Variants in CNTN3 observed in about 807,000 individuals in gnomAD.
The protein encoded by CNTN3 is contactin-3.
CNTN3 carries 60 observed loss-of-function variants against 119.1 expected under a neutral mutation model. That is an observed-to-expected ratio of 0.50 (90% CI 0.41 to 0.62). The LOEUF is 0.62. CNTN3 is among the 20% of genes least tolerant of loss of function. CNTN3 has a pLI of 0.00. For missense variants in CNTN3, 1,101 were observed against 1,242.4 expected (o/e 0.89, Z 1.71); for synonymous variants, 450 against 438.7 (o/e 1.03, Z -0.32).
intron 13 of CNTN3, among the ~76,000 whole-genome samples, chr3:74,331,999 T>C (rs529275721): frequency 6.6e-6 from 1 of 152,352 alleles, no homozygotes; most frequent in East Asian, 1.9e-4. Flanking sequence ...GTTCCAATAA[T>C]TGGCTGATTC....
chr3:74,264,619 A>G (rs1701634046), intron 22 of CNTN3, 118 bp from the exon 23 acceptor site: 1 of 570,698 alleles, frequency 1.8e-6, no homozygotes, highest in Non-Finnish European at 3.0e-6. Flanking sequence ...CTAACCCTCA[A>G]TGTCAGAGTA....
intron 2 of CNTN3, among the ~76,000 whole-genome samples, chr3:74,501,828 A>G (rs1703172171): frequency 6.6e-6 from 1 of 151,896 alleles, no homozygotes; most frequent in African/African-American, 2.4e-5. Context: ...TTTAGGAAAG[A>G]GCAACTTCCA....
At chr3:74,584,251 A>G (rs186999105) in intron 1 of CNTN3, among the ~76,000 whole-genome samples, 23 of 152,294 alleles carry the variant, frequency 1.5e-4, no homozygotes, top group South Asian at 1.2e-3. Context: ...TTCATCTTTG[A>G]TACCTTACAT....
chr3:74,271,159 G>A (rs1701768484), intron 20 of CNTN3, among the ~76,000 whole-genome samples: 1 of 152,146 alleles, frequency 6.6e-6, no homozygotes, highest in Non-Finnish European at 1.5e-5. Flanking sequence ...ATGATTAGAT[G>A]AAACTGGGAA....
intron 11 of CNTN3, among the ~76,000 whole-genome samples, chr3:74,357,661 G>A (rs1703968660): frequency 6.6e-6 from 1 of 152,036 alleles, no homozygotes; most frequent in Non-Finnish European, 1.5e-5. Flanking sequence ...TACATATATA[G>A]AATATTGGCT....
At chr3:74,454,414 T>G (rs1470141955) in intron 4 of CNTN3, among the ~76,000 whole-genome samples, 1 of 150,958 alleles carries the variant, frequency 6.6e-6, no homozygotes, top group Non-Finnish European at 1.5e-5. Context: ...TCTCTGCACG[T>G]GAGATGGGTT....
At chr3:74,314,831 A>G (rs1215860664) in intron 13 of CNTN3, among the ~76,000 whole-genome samples, 1 of 152,188 alleles carries the variant, frequency 6.6e-6, no homozygotes, top group East Asian at 1.9e-4. Context: ...ACTTTATCCA[A>G]CAGCAGTGTC....
intron 1 of CNTN3, among the ~76,000 whole-genome samples, chr3:74,537,128 TAAC>T (rs1051743979): frequency 3.7e-4 from 57 of 152,100 alleles, no homozygotes; most frequent in African/African-American, 1.3e-3. Context: ...ATAACATTAA[TAAC>T]AACAAGAAAC....
At chr3:74,565,904 A>G (rs1293101245) in intron 1 of CNTN3, among the ~76,000 whole-genome samples, 1 of 152,094 alleles carries the variant, frequency 6.6e-6, no homozygotes, top group Non-Finnish European at 1.5e-5. Context: ...AGGTATTTGA[A>G]TCATGGGGGC....
intron 4 of CNTN3, among the ~76,000 whole-genome samples, chr3:74,427,145 GGAATATTGTTCTGGATATCT>G (rs1331182463): frequency 6.6e-6 from 1 of 152,218 alleles, no homozygotes; most frequent in Non-Finnish European, 1.5e-5. Context: ...ACGAGTGCAA[GGAATATTGTTCTGGATATCT>G]GATATGGCCG....
At chr3:74,542,005 G>T (rs535599662) in intron 1 of CNTN3, among the ~76,000 whole-genome samples, 5 of 152,244 alleles carry the variant, frequency 3.3e-5, no homozygotes, top group South Asian at 4.1e-4. Flanking sequence ...AGCCAAGGCA[G>T]GAGGATTGCT....
At chr3:74,300,518 G>A (rs1702434818) in intron 16 of CNTN3, among the ~76,000 whole-genome samples, 1 of 152,178 alleles carries the variant, frequency 6.6e-6, no homozygotes, top group South Asian at 2.1e-4. Flanking sequence ...TGTCTAGAAA[G>A]TGCTGAGCAC....
intron 11 of CNTN3, among the ~76,000 whole-genome samples, chr3:74,353,081 G>C (rs774392588): frequency 1.3e-5 from 2 of 152,206 alleles, no homozygotes; most frequent in African/African-American, 2.4e-5. Flanking sequence ...TAGTGTAAGG[G>C]AAGGGGAAAG....
chr3:74,343,827 AT>A (rs1350533803), intron 11 of CNTN3, among the ~76,000 whole-genome samples: 2 of 152,200 alleles, frequency 1.3e-5, no homozygotes, highest in African/African-American at 4.8e-5. Context: ...AAGGATTTGC[AT>A]TTTTATCACA....
intron 2 of CNTN3, among the ~76,000 whole-genome samples, chr3:74,517,390 T>G (rs1162410791): frequency 6.6e-6 from 1 of 151,904 alleles, no homozygotes; most frequent in African/African-American, 2.4e-5. Flanking sequence ...TGCAAAGCCT[T>G]GGTGTGGATG....
intron 3 of CNTN3, among the ~76,000 whole-genome samples, chr3:74,493,928 G>A (rs375736111): frequency 7.9e-5 from 12 of 152,112 alleles, no homozygotes; most frequent in Admixed American, 2.6e-4. Flanking sequence ...CTCACTCATC[G>A]ATAAATTTTG....
chr3:74,269,745 G>T (rs186378160), intron 20 of CNTN3, among the ~76,000 whole-genome samples: 2 of 152,220 alleles, frequency 1.3e-5, no homozygotes, highest in Admixed American at 1.3e-4. Context: ...TATGCTAAGT[G>T]AAATAAGCCA....
intron 13 of CNTN3, among the ~76,000 whole-genome samples, chr3:74,319,172 G>A (rs937492968): frequency 3.3e-5 from 5 of 152,168 alleles, no homozygotes; most frequent in African/African-American, 4.8e-5. Flanking sequence ...CTACTTTAAA[G>A]TTCATATGGA....
intron 2 of CNTN3, among the ~76,000 whole-genome samples, chr3:74,503,337 AT>A (rs1456384131): frequency 6.6e-6 from 1 of 152,156 alleles, no homozygotes; most frequent in Non-Finnish European, 1.5e-5. Flanking sequence ...CATCTCTGAA[AT>A]TTAAGGCTCC....
Sources: gnomAD v4.1 joint callset for allele counts (sites outside exome capture counted in the v4.1 genomes callset) on GRCh38, gnomAD v4.1.1 for gene constraint, MANE v1.5 for transcripts, NCBI Gene and HGNC (gene_info 2026-07-23, HGNC 2026-07-21) for gene names.